Variants in DDX10 observed in about 807,000 individuals in gnomAD.
The protein encoded by DDX10 is probable ATP-dependent RNA helicase DDX10.
DDX10 carries 74 observed loss-of-function variants against 104.3 expected under a neutral mutation model. That is an observed-to-expected ratio of 0.71 (90% CI 0.59 to 0.86). The LOEUF (loss-of-function observed/expected upper bound fraction) is 0.86. Among genes scored for constraint, DDX10 ranks in the 40% least tolerant of loss-of-function variants. DDX10 has a pLI of 0.00. For synonymous variants in DDX10, 351 were observed against 353.4 expected, an observed-to-expected ratio of 0.99 and a Z score of 0.08; for missense variants, 952 against 1,040.0, an observed-to-expected ratio of 0.92 and a Z score of 1.16.
intron 4 of DDX10, among the ~76,000 whole-genome samples, 182 bp from the exon 5 acceptor site, chr11:108,678,133 A>T (rs1470212505): frequency 6.6e-6 from 1 of 152,196 alleles, no homozygotes; most frequent in African/African-American, 2.4e-5. Flanking sequence ...CTTCCTGTAA[A>T]GACTTTTATT....
At chr11:108,724,229 A>G (rs567438625) in intron 13 of DDX10, among the ~76,000 whole-genome samples, 1 of 152,174 alleles carries the variant, frequency 6.6e-6, no homozygotes, top group East Asian at 1.9e-4. Flanking sequence ...TAGGAAATAC[A>G]TAATAGATTT....
At chr11:108,867,071 A>T (rs1376654128) in intron 16 of DDX10, among the ~76,000 whole-genome samples, 2 of 152,186 alleles carry the variant, frequency 1.3e-5, no homozygotes. Context: ...TGGAAATATT[A>T]TAATAACAAT....
At chr11:108,784,769 G>A (rs1467401885) in intron 13 of DDX10, among the ~76,000 whole-genome samples, 2 of 152,090 alleles carry the variant, frequency 1.3e-5, no homozygotes, top group African/African-American at 2.4e-5. Flanking sequence ...ATTTGCCAAA[G>A]CCAGTGTCAA....
chr11:108,761,652 A>G (rs929856995), intron 13 of DDX10, among the ~76,000 whole-genome samples: 7 of 152,140 alleles, frequency 4.6e-5, no homozygotes, highest in African/African-American at 9.6e-5. Flanking sequence ...AAAAGGGTCA[A>G]TTATAAATTT....
In DDX10 at chr11:108,892,391, A is replaced by T. The variant is rs541452540; in HGVS notation, c.2305-25482A>T. ...AGATGCCCAGTCTTCCAGCCAACAG[A>T]ATTGTGAACCAAATAAACCATTTTT... On this transcript the variant is annotated intron_variant, in intron 16 of 17. Transcript: ENST00000322536. Among the ~76,000 whole-genome samples, 4 of 152,238 alleles carry T rather than the reference A, an allele frequency of 2.6e-5. No individual in the cohort carries two copies. In the South Asian group the frequency reaches 8.3e-4, roughly 32 times the overall value.
At chr11:108,667,932 A>T (rs756677079) in intron 1 of DDX10, among the ~76,000 whole-genome samples, 4 of 152,162 alleles carry the variant, frequency 2.6e-5, no homozygotes, top group African/African-American at 4.8e-5. Flanking sequence ...CTCCTACTAG[A>T]CCATGAACAT....
At chr11:108,904,241 G>A (rs1307560989) in intron 16 of DDX10, among the ~76,000 whole-genome samples, 1 of 152,098 alleles carries the variant, frequency 6.6e-6, no homozygotes, top group Non-Finnish European at 1.5e-5. Flanking sequence ...TTTACAAAAT[G>A]CTAAAGGAAA....
chr11:108,859,659 A>G (rs774169031), intron 16 of DDX10, among the ~76,000 whole-genome samples: 1 of 152,180 alleles, frequency 6.6e-6, no homozygotes, highest in Non-Finnish European at 1.5e-5. Context: ...TTTGACATTT[A>G]TATGCTTGAG....
At chr11:108,806,327 C>T (rs542507755) in intron 13 of DDX10, among the ~76,000 whole-genome samples, 9 of 152,276 alleles carry the variant, frequency 5.9e-5, no homozygotes, top group African/African-American at 1.7e-4. Flanking sequence ...TTAACAGATA[C>T]GTCTTTTCCC....
At chr11:108,877,926 C>A (rs959853526) in intron 16 of DDX10, among the ~76,000 whole-genome samples, 13 of 152,180 alleles carry the variant, frequency 8.5e-5, no homozygotes, top group Non-Finnish European at 1.6e-4. Flanking sequence ...TAAGGCACAG[C>A]TGGATGGGGC....
intron 16 of DDX10, among the ~76,000 whole-genome samples, chr11:108,915,166 G>A (rs1258814470): frequency 2.0e-5 from 3 of 152,174 alleles, no homozygotes; most frequent in Non-Finnish European, 2.9e-5. Flanking sequence ...GAAGCTTGCA[G>A]AGTCCCAAGA....
chr11:108,940,536 G>A lies in DDX10; in HGVS notation c.*113G>A. 9.4e-7 allele frequency: 1 copy of A among 1,059,272 alleles called. No individual in the cohort carries two copies. Among genetic ancestry groups the A allele is most frequent in the South Asian group, 1.6e-5 (1 of 60,680 alleles). The allele number at this position is 1,059,272 out of a possible 1,614,324, so 65.6% of individuals were successfully genotyped here. ...GGTACCATATGCCCCATTCCCAAAG[G>A]GCACATTTCTGGATAGAAGCGATCG... is the stretch of plus-strand genomic sequence containing the variant. On this transcript the variant is annotated 3_prime_UTR_variant, in exon 18 of 18. Coordinates refer to ENST00000322536, the MANE Select transcript of DDX10 (RefSeq NM_004398.4).
At chr11:108,886,338 A>G (rs1043785338) in intron 16 of DDX10, among the ~76,000 whole-genome samples, 7 of 152,258 alleles carry the variant, frequency 4.6e-5, no homozygotes, top group Non-Finnish European at 1.0e-4. Context: ...GGTAAAATAC[A>G]TAAAGCAGTA....
At chr11:108,897,085 G>T (rs541952803) in intron 16 of DDX10, among the ~76,000 whole-genome samples, 1 of 152,022 alleles carries the variant, frequency 6.6e-6, no homozygotes, top group African/African-American at 2.4e-5. Flanking sequence ...TAAACTGAAG[G>T]TACCTTCCAA....
intron 13 of DDX10, among the ~76,000 whole-genome samples, chr11:108,781,176 G>A (rs1031798378): frequency 6.6e-6 from 1 of 152,068 alleles, no homozygotes; most frequent in African/African-American, 2.4e-5. Flanking sequence ...TTCTGTTCCT[G>A]TGTTAATTCA....
At chr11:108,739,464 T>C (rs1333732134) in intron 13 of DDX10, among the ~76,000 whole-genome samples, 1 of 152,240 alleles carries the variant, frequency 6.6e-6, no homozygotes. Context: ...ATACCTGTTT[T>C]TCCCACTATA....
chr11:108,719,686 G>A (rs1260675195), intron 11 of DDX10, 111 bp from the exon 12 acceptor site: 22 of 602,374 alleles, frequency 3.7e-5, no homozygotes, highest in Middle Eastern at 4.0e-4. Context: ...GAACTATTTC[G>A]TGGTTTTTCA....
intron 13 of DDX10, among the ~76,000 whole-genome samples, chr11:108,756,176 T>G (rs2094344217): frequency 6.6e-6 from 1 of 152,072 alleles, no homozygotes; most frequent in Non-Finnish European, 1.5e-5. Flanking sequence ...TGCAGTAAAC[T>G]TTATCTAATG....
At chr11:108,768,808 T>C (rs2094359427) in intron 13 of DDX10, among the ~76,000 whole-genome samples, 1 of 152,040 alleles carries the variant, frequency 6.6e-6, no homozygotes, top group Non-Finnish European at 1.5e-5. Flanking sequence ...TTCCTCGTCT[T>C]TTTTTTTGCC....
Sources: allele counts gnomAD v4.1 joint callset (sites outside exome capture counted in the v4.1 genomes callset), GRCh38; gene constraint gnomAD v4.1.1; transcripts MANE v1.5; gene names NCBI Gene and HGNC (gene_info 2026-07-23, HGNC 2026-07-21).